TOX: variants seen among roughly 807,000 people sequenced by gnomAD.
TOX encodes the protein thymocyte selection associated high mobility group box.
TOX carries 11 observed loss-of-function variants against 53.7 expected under a neutral mutation model. That is an observed-to-expected ratio of 0.20 (90% CI 0.13 to 0.34). The LOEUF is 0.34. Ranked by LOEUF, TOX falls within the 10% of genes least tolerant of loss-of-function variation. The pLI is 1.00. For synonymous variants in TOX, 225 were observed against 245.3 expected (o/e 0.92, Z 0.77); for missense variants, 570 against 664.6 (o/e 0.86, Z 1.56).
chr8:58,875,185 T>C (rs563327793), intron 3 of TOX, among the ~76,000 whole-genome samples: 1 of 152,340 alleles, frequency 6.6e-6, no homozygotes, highest in African/African-American at 2.4e-5. Context: ...CTGCTTCACA[T>C]GTGGGAGGCC....
intron 1 of TOX, among the ~76,000 whole-genome samples, chr8:59,044,391 T>G (rs1053364404): frequency 2.6e-5 from 4 of 152,190 alleles, no homozygotes; most frequent in Non-Finnish European, 5.9e-5. Flanking sequence ...CTACTACAAG[T>G]GCACTCTTCT....
chr8:58,850,835 C>A (rs1490595783), intron 4 of TOX, among the ~76,000 whole-genome samples: 1 of 152,190 alleles, frequency 6.6e-6, no homozygotes, highest in Non-Finnish European at 1.5e-5. Flanking sequence ...CAGGATTGCA[C>A]AGCGCTGCTT....
intron 1 of TOX, among the ~76,000 whole-genome samples, chr8:59,091,483 T>C (rs1311906935): frequency 6.6e-6 from 1 of 152,098 alleles, no homozygotes; most frequent in African/African-American, 2.4e-5. Context: ...TTTTCCTTTA[T>C]TACCAATATG....
At chr8:59,028,554 G>C (rs1814287333) in intron 1 of TOX, among the ~76,000 whole-genome samples, 1 of 151,804 alleles carries the variant, frequency 6.6e-6, no homozygotes, top group African/African-American at 2.4e-5. Context: ...TAGATAGATA[G>C]ATACATGCAT....
chr8:59,098,073 AT>A (rs1232916119), intron 1 of TOX, among the ~76,000 whole-genome samples: 1 of 151,876 alleles, frequency 6.6e-6, no homozygotes, highest in East Asian at 1.9e-4. Flanking sequence ...AAAAAAAAAA[AT>A]CCAAGAGTGA....
At chr8:59,037,208 T>G (rs1174983001) in intron 1 of TOX, among the ~76,000 whole-genome samples, 5 of 151,588 alleles carry the variant, frequency 3.3e-5, no homozygotes, top group Non-Finnish European at 5.9e-5. Context: ...CTTGGCCCTC[T>G]CTGTTTGATT....
At chr8:59,079,062 A>C (rs548704304) in intron 1 of TOX, among the ~76,000 whole-genome samples, 1 of 152,314 alleles carries the variant, frequency 6.6e-6, no homozygotes, top group South Asian at 2.1e-4. Context: ...ATTTCTAAGC[A>C]GCAAAGTGTT....
intron 1 of TOX, among the ~76,000 whole-genome samples, chr8:59,015,472 C>T (rs1585965286): frequency 6.6e-6 from 1 of 152,292 alleles, no homozygotes; most frequent in South Asian, 2.1e-4. Flanking sequence ...TGCCCTTTGT[C>T]AAGAATACAT....
chr8:59,070,829 G>A (rs1804186071), intron 1 of TOX, among the ~76,000 whole-genome samples: 1 of 152,102 alleles, frequency 6.6e-6, no homozygotes, highest in African/African-American at 2.4e-5. Context: ...TTGAAAATGA[G>A]GTAAGAATGT....
intron 1 of TOX, among the ~76,000 whole-genome samples, chr8:59,074,772 G>A (rs1262417063): frequency 1.3e-5 from 2 of 152,108 alleles, no homozygotes; most frequent in Non-Finnish European, 2.9e-5. Flanking sequence ...TTAAAGGAGC[G>A]ACAGCAGCGT....
At chr8:58,896,505 G>A (rs1811649594) in intron 3 of TOX, among the ~76,000 whole-genome samples, 1 of 152,056 alleles carries the variant, frequency 6.6e-6, no homozygotes, top group African/African-American at 2.4e-5. Flanking sequence ...GTGAAGCCCT[G>A]TCTCTACTAA....
At chr8:59,111,575 C>G (rs1040037021) in intron 1 of TOX, among the ~76,000 whole-genome samples, 2 of 152,014 alleles carry the variant, frequency 1.3e-5, no homozygotes, top group Non-Finnish European at 2.9e-5. Context: ...CACACAAATC[C>G]ACCCCCACAC....
At chr8:58,909,525 G>A (rs1414923212) in intron 3 of TOX, among the ~76,000 whole-genome samples, 1 of 152,076 alleles carries the variant, frequency 6.6e-6, no homozygotes, top group African/African-American at 2.4e-5. Flanking sequence ...TTCTGTACCA[G>A]TAACCTAGGC....
At chr8:59,013,657 C>G (rs1033613512) in intron 1 of TOX, among the ~76,000 whole-genome samples, 1 of 152,244 alleles carries the variant, frequency 6.6e-6, no homozygotes, top group African/African-American at 2.4e-5. Context: ...GATCCGCCCG[C>G]TCCGGCCTCC....
At chr8:59,028,952 C>T (rs1814297741) in intron 1 of TOX, among the ~76,000 whole-genome samples, 2 of 152,062 alleles carry the variant, frequency 1.3e-5, no homozygotes, top group African/African-American at 2.4e-5. Flanking sequence ...CCTTGAGGTT[C>T]ACAAAGTTGT....
chr8:59,080,369 C>T (rs1454692824), intron 1 of TOX, among the ~76,000 whole-genome samples: 1 of 151,972 alleles, frequency 6.6e-6, no homozygotes, highest in East Asian at 1.9e-4. Flanking sequence ...AAGTAACTAC[C>T]TTGTTCTATA....
chr8:59,043,137 A>G (rs1409933638), intron 1 of TOX, among the ~76,000 whole-genome samples: 1 of 151,888 alleles, frequency 6.6e-6, no homozygotes, highest in African/African-American at 2.4e-5. Context: ...ACTCTATCTT[A>G]AAGTATTCAA....
chr8:58,933,168 G>T (rs1251950475), intron 3 of TOX, among the ~76,000 whole-genome samples: 3 of 152,130 alleles, frequency 2.0e-5, no homozygotes, highest in Admixed American at 2.0e-4. Context: ...GTTTTTCTTT[G>T]TATGAAAGAG....
chr8:59,006,145 T>C (rs951091127), intron 1 of TOX, among the ~76,000 whole-genome samples: 1 of 152,240 alleles, frequency 6.6e-6, no homozygotes, highest in Admixed American at 6.5e-5. Flanking sequence ...AAAACAAATA[T>C]TCTCTGAACA....
Sources: gnomAD v4.1 joint callset for allele counts (sites outside exome capture counted in the v4.1 genomes callset) on GRCh38, gnomAD v4.1.1 for gene constraint, MANE v1.5 for transcripts, NCBI Gene and HGNC (gene_info 2026-07-23, HGNC 2026-07-21) for gene names.